Variants in KLHL13 observed in about 807,000 individuals in gnomAD.
The protein encoded by KLHL13 is kelch-like protein 13.
A neutral mutation model predicts 37.1 loss-of-function variants in KLHL13; 10 were observed. The observed-to-expected ratio is 0.27, with a 90% CI of 0.17 to 0.46. The LOEUF is 0.46. Ranked by LOEUF, KLHL13 falls within the 20% of genes least tolerant of loss-of-function variation. The pLI, the probability that KLHL13 is intolerant of heterozygous loss-of-function variation, is 1.00. For synonymous variants in KLHL13, 163 were observed against 181.2 expected (o/e 0.90, Z 0.81); for missense variants, 360 against 509.3 (o/e 0.71, Z 2.82).
chrX:117,973,704 T>C (rs2053560172), exon 1 of KLHL13: 1 of 838,483 alleles, frequency 1.2e-6, no homozygotes. Context: ...CTCTCTCTTC[T>C]GCAGCAGCGA....
chrX:118,025,968 T>C (rs1405716563), intron 1 of KLHL13, among the ~76,000 whole-genome samples: 1 of 111,906 alleles, frequency 8.9e-6, no homozygotes, highest in Non-Finnish European at 1.9e-5. Context: ...TTGATGACAG[T>C]TGGATTCGGT....
chrX:117,946,883 A>C (rs916130794), intron 1 of KLHL13: 5 of 112,067 alleles, frequency 4.5e-5, no homozygotes, highest in African/African-American at 1.6e-4. Flanking sequence ...AGTGGTTTTA[A>C]ATCTTGCAAT....
chrX:117,941,637 G>A (rs1225284017), intron 2 of KLHL13, among the ~76,000 whole-genome samples: 1 of 111,937 alleles, frequency 8.9e-6, no homozygotes, highest in Admixed American at 9.5e-5. Context: ...GGTGTTTGTA[G>A]TATTCTCTGA....
At chrX:117,908,407 A>T (rs776954520) in intron 5 of KLHL13, among the ~76,000 whole-genome samples, 319 of 108,121 alleles carry the variant, frequency 3.0e-3, no homozygotes, top group Non-Finnish European at 4.9e-3. Context: ...CCCCAACCCC[A>T]GACAGGCCCT....
intron 2 of KLHL13, among the ~76,000 whole-genome samples, chrX:117,940,428 CTT>C (rs1354733986): frequency 9.0e-6 from 1 of 111,485 alleles, no homozygotes; most frequent in Admixed American, 9.6e-5. Context: ...TACACGGGCT[CTT>C]TTTTGGTTCC....
chrX:117,999,653 T>C, intron 1 of KLHL13, among the ~76,000 whole-genome samples: 1 of 109,977 alleles, frequency 9.1e-6, no homozygotes, highest in Admixed American at 9.7e-5. Flanking sequence ...GCAACAAACC[T>C]GCACATTGTG....
intron 1 of KLHL13, among the ~76,000 whole-genome samples, chrX:117,983,100 G>C (rs950255528): frequency 2.8e-5 from 3 of 106,908 alleles, no homozygotes; most frequent in Non-Finnish European, 5.8e-5. Flanking sequence ...TGAGGAAGAA[G>C]GCAGAAGAGA....
intron 5 of KLHL13, among the ~76,000 whole-genome samples, chrX:117,903,179 C>CACA (rs1930238988): frequency 1.2e-3 from 108 of 92,307 alleles, no homozygotes; most frequent in Non-Finnish European, 1.8e-3. Context: ...GAGAGGAGAG[C>CACA]GAGAGAGAGA....
chrX:118,005,721 C>T (rs1264673581), intron 1 of KLHL13, among the ~76,000 whole-genome samples: 2 of 111,725 alleles, frequency 1.8e-5, no homozygotes, highest in Non-Finnish European at 3.8e-5. Context: ...GGATTTTCCC[C>T]TACAGCCTCC....
rs962013704 is a variant in KLHL13, at chrX:117,983,623, T to C, written c.-55-38048A>G. The C allele has an allele frequency of 7.7e-5, 45 of 586,325 alleles. 1 individual carries two copies. Among genetic ancestry groups the C allele is most frequent in the Non-Finnish European group, 1.0e-4 (39 of 376,902 alleles). 48.3% of individuals were successfully genotyped at this position (586,325 alleles called of 1,213,427 possible). A position where few individuals can be genotyped will look rare whatever the true frequency, so the allele number is the denominator to read the frequency against. On this transcript the variant is annotated intron_variant, in intron 1 of 6. Transcript: ENST00000371882. ...AGTTCAAATTTTTCAAAGCATACCC[T>C]GACAGCATTTTAGCTGTAAATTAAT...
intron 4 of KLHL13, among the ~76,000 whole-genome samples, chrX:117,913,976 C>A (rs1446028258): frequency 1.8e-5 from 2 of 110,570 alleles, no homozygotes; most frequent in South Asian, 3.8e-4. Context: ...ATAAATTATT[C>A]TTTTATAACC....
intron 1 of KLHL13, among the ~76,000 whole-genome samples, chrX:117,948,133 A>AAC (rs3071305): frequency 0.16 from 18,306 of 111,048 alleles, 2,087 homozygotes; most frequent in African/African-American, 0.41. Flanking sequence ...CATCCTACAA[A>AAC]ACAGGACAGT....
intron 1 of KLHL13, among the ~76,000 whole-genome samples, chrX:118,069,228 G>A (rs967770358): frequency 1.8e-5 from 2 of 108,905 alleles, no homozygotes; most frequent in Non-Finnish European, 1.9e-5. Context: ...CATCCCTTCA[G>A]GAGGTATTCC....
At chrX:117,965,157 G>C (rs1213241692) in intron 1 of KLHL13, among the ~76,000 whole-genome samples, 266 of 111,657 alleles carry the variant, frequency 2.4e-3, no homozygotes, top group African/African-American at 5.6e-3. Context: ...CCTGAGGAAT[G>C]GCCACACTGA....
At chrX:117,944,784 A>G (rs6603352) in intron 2 of KLHL13, among the ~76,000 whole-genome samples, 11,466 of 111,244 alleles carry the variant, frequency 0.1, 599 homozygotes, top group African/African-American at 0.19. Context: ...GAAGTACTTA[A>G]GCTTCTAATC....
At chrX:117,950,241 C>A (rs1379301050) in intron 1 of KLHL13, among the ~76,000 whole-genome samples, 3 of 112,230 alleles carry the variant, frequency 2.7e-5, no homozygotes, top group East Asian at 2.8e-4. Context: ...CCAAAGCAGG[C>A]GGATCACCTG....
At chrX:117,920,280 T>C (rs1569415388) in exon 3 of KLHL13, 4 of 1,208,912 alleles carry the variant, frequency 3.3e-6, no homozygotes, top group South Asian at 1.8e-5. Context: ...GATGCCATCA[T>C]GACTCTATGC....
At chrX:117,978,801 T>A (rs1356240238) in intron 1 of KLHL13, among the ~76,000 whole-genome samples, 1 of 107,902 alleles carries the variant, frequency 9.3e-6, no homozygotes, top group Non-Finnish European at 1.9e-5. Flanking sequence ...TTCTTTTTTT[T>A]TTTTTTTCTA....
Position 118,047,559 on chromosome X carries a change from T to C in KLHL13, c.-56+68949A>G, listed in dbSNP as rs144676782. Among the ~76,000 whole-genome samples the C allele has an allele frequency of 2.9e-3, 320 of 112,208 alleles. 3 individuals carry two copies. Among genetic ancestry groups the C allele is most frequent in the African/African-American group, 0.01 (311 of 30,986 alleles). On this transcript the variant is annotated intron_variant, in intron 1 of 6. Transcript: ENST00000371882. ...AATATTAGGTTGGTGTGAAAGCTATTGCAGTTTTTGCCATTAAAACTGCAA... is the reference window on the plus strand; with the variant it reads ...AATATTAGGTTGGTGTGAAAGCTATCGCAGTTTTTGCCATTAAAACTGCAA...
Sources: allele counts gnomAD v4.1 joint callset (sites outside exome capture counted in the v4.1 genomes callset), GRCh38; gene constraint gnomAD v4.1.1; transcripts MANE v1.5; gene names NCBI Gene and HGNC (gene_info 2026-07-23, HGNC 2026-07-21).